PTGFRN: variants seen among roughly 807,000 people sequenced by gnomAD.
The protein encoded by PTGFRN is prostaglandin F2 receptor inhibitor, also known as prostaglandin F2 receptor negative regulator.
A neutral mutation model predicts 83.2 loss-of-function variants in PTGFRN; 35 were observed. The ratio of observed to expected loss-of-function variants is 0.42; its 90% CI spans 0.32 to 0.56. The LOEUF is 0.56. Ranked by LOEUF, PTGFRN falls within the 20% of genes least tolerant of loss-of-function variation. PTGFRN has a pLI of 0.11. For synonymous variants in PTGFRN, 519 were observed against 498.6 expected (o/e 1.04, Z -0.55); for missense variants, 1,051 against 1,179.5 (o/e 0.89, Z 1.60).
At chr1:116,971,104 A>G (rs1265696305) in intron 6 of PTGFRN, among the ~76,000 whole-genome samples, 1 of 152,214 alleles carries the variant, frequency 6.6e-6, no homozygotes, top group Non-Finnish European at 1.5e-5. Context: ...TGTGTTGTTC[A>G]TCTTCCTAGA....
chr1:116,935,309 T>C (rs1303717878), intron 1 of PTGFRN, among the ~76,000 whole-genome samples: 1 of 152,190 alleles, frequency 6.6e-6, no homozygotes, highest in African/African-American at 2.4e-5. Flanking sequence ...ACTTGCTTTC[T>C]AGCCTGCACC....
chr1:116,910,265 G>C lies in PTGFRN; in HGVS notation c.49+13G>C. The C allele has an allele frequency of 7.8e-6, 11 of 1,410,632 alleles. No homozygotes were observed. Among genetic ancestry groups the C allele is most frequent in the Non-Finnish European group, 1.0e-5 (11 of 1,090,082 alleles). The allele number at this position is 1,410,632 out of a possible 1,614,324, so 87.4% of individuals were successfully genotyped here. ...CTCCTGTCGTTGGGTGAGTGTGCGC[G>C]GGGCTCAGCGGGGCACACGGGGACT... On this transcript the variant is annotated intron_variant, in intron 1 of 8. Transcript: ENST00000393203.
In PTGFRN at chr1:116,933,891, A is replaced by G. The variant is rs575105050; in HGVS notation, c.50-7824A>G. ...TATTTGTATTTATTCTGTTTATGAT[A>G]CATATCTTATCTTGCATCTGTGGCA... On this transcript the variant is annotated intron_variant, in intron 1 of 8. Coordinates refer to ENST00000393203, the MANE Select transcript of PTGFRN (RefSeq NM_020440.4). Among the ~76,000 whole-genome samples the G allele has an allele frequency of 6.6e-5, 10 of 152,284 alleles. No individual in the cohort carries two copies. In the East Asian group the frequency reaches 1.9e-3, roughly 29 times the overall value.
intron 7 of PTGFRN, among the ~76,000 whole-genome samples, chr1:116,983,784 C>T (rs372304964): frequency 1.4e-4 from 22 of 152,220 alleles, no homozygotes; most frequent in African/African-American, 5.1e-4. Flanking sequence ...TTATATAAAA[C>T]GCTTTCTCAA....
At chr1:116,945,127 T>C (rs1258557776) in intron 3 of PTGFRN, 35 bp downstream of exon 3, 3 of 1,564,834 alleles carry the variant, frequency 1.9e-6, no homozygotes, top group Admixed American at 3.6e-5. Flanking sequence ...GGTGATGTTA[T>C]TTTGTGACTA....
chr1:116,960,656 C>T (rs528746287), intron 4 of PTGFRN, among the ~76,000 whole-genome samples: 3 of 152,172 alleles, frequency 2.0e-5, no homozygotes, highest in South Asian at 2.1e-4. Context: ...ACACAGATTC[C>T]GCAGAAAAAG....
chr1:116,915,840 G>A (rs574343400), intron 1 of PTGFRN, among the ~76,000 whole-genome samples: 1 of 152,162 alleles, frequency 6.6e-6, no homozygotes, highest in Non-Finnish European at 1.5e-5. Context: ...TTAAAGGCAG[G>A]GTTGCAAGGG....
At chr1:116,947,324 G>A (rs917770839) in intron 3 of PTGFRN, among the ~76,000 whole-genome samples, 3 of 152,216 alleles carry the variant, frequency 2.0e-5, no homozygotes, top group Admixed American at 2.0e-4. Context: ...TCTGATTTAT[G>A]GATTTAGTTA....
intron 6 of PTGFRN, among the ~76,000 whole-genome samples, chr1:116,968,913 C>T (rs1463031185): frequency 6.6e-6 from 1 of 152,084 alleles, no homozygotes; most frequent in South Asian, 2.1e-4. Flanking sequence ...AATAATATTT[C>T]ATTGTATGGA....
intron 1 of PTGFRN, among the ~76,000 whole-genome samples, chr1:116,912,380 G>A (rs1400760528): frequency 6.6e-6 from 1 of 152,194 alleles, no homozygotes; most frequent in South Asian, 2.1e-4. Flanking sequence ...GTGTTACACT[G>A]CTCTGGCACT....
intron 1 of PTGFRN, among the ~76,000 whole-genome samples, chr1:116,924,551 G>A (rs2806862): frequency 0.21 from 31,324 of 152,048 alleles, 7,536 homozygotes; most frequent in African/African-American, 0.59. Flanking sequence ...AAGAGTGTAA[G>A]TAAAATTGAT....
chr1:116,945,120 G>A, intron 3 of PTGFRN, 28 bp downstream of exon 3: 1 of 1,574,790 alleles, frequency 6.4e-7, no homozygotes, highest in Non-Finnish European at 8.6e-7. Context: ...CGTTATAGGT[G>A]ATGTTATTTT....
chr1:116,924,233 C>T lies in PTGFRN; in HGVS notation c.49+13981C>T, dbSNP rs181855418. ...CACAGTCTCGGCTCATTGCAACCTC[C>T]GCCTCCCAGGTTCAAGCAGTTCTCT... On this transcript the variant is annotated intron_variant, in intron 1 of 8. Coordinates refer to ENST00000393203, the MANE Select transcript of PTGFRN (RefSeq NM_020440.4). Among the ~76,000 whole-genome samples, 159 of 151,158 alleles carry T rather than the reference C, an allele frequency of 1.1e-3. 1 individual carries two copies. Among genetic ancestry groups the T allele is most frequent in the Middle Eastern group, 6.8e-3 (2 of 292 alleles).
intron 4 of PTGFRN, among the ~76,000 whole-genome samples, chr1:116,956,065 A>G (rs897938809): frequency 2.6e-5 from 4 of 152,374 alleles, no homozygotes; most frequent in Non-Finnish European, 5.9e-5. Flanking sequence ...ACAATGTTAA[A>G]GGACAATCTC....
intron 7 of PTGFRN, among the ~76,000 whole-genome samples, chr1:116,975,118 C>T (rs371987823): frequency 2.5e-4 from 38 of 152,314 alleles, no homozygotes; most frequent in African/African-American, 7.7e-4. Flanking sequence ...CACAGAGCCT[C>T]GCTCATTGCT....
chr1:116,963,390 C>T (rs927055542), intron 5 of PTGFRN, among the ~76,000 whole-genome samples: 1 of 152,222 alleles, frequency 6.6e-6, no homozygotes, highest in African/African-American at 2.4e-5. Flanking sequence ...TTCCCATTCA[C>T]GCTGCCCCAG....
At position 116,928,090 on chromosome 1, in the gene PTGFRN, C is replaced by G. The variant is rs544538202; in HGVS notation, c.50-13625C>G. Among the ~76,000 whole-genome samples, 4 of 152,310 alleles carry G rather than the reference C, an allele frequency of 2.6e-5. No individual in the cohort carries two copies. The East Asian group carries it at 7.7e-4, about 29-fold the overall frequency. On this transcript the variant is annotated intron_variant, in intron 1 of 8. Coordinates refer to ENST00000393203, the MANE Select transcript of PTGFRN (RefSeq NM_020440.4). ...TTCTTACCCCCTGTGGCCTGTTGGTCACACTGCCCCTTCCTCGTGTTTCTG... is the reference window on the plus strand; with the variant it reads ...TTCTTACCCCCTGTGGCCTGTTGGTGACACTGCCCCTTCCTCGTGTTTCTG...
At chr1:116,963,737 G>T in intron 5 of PTGFRN, among the ~76,000 whole-genome samples, 1 of 151,714 alleles carries the variant, frequency 6.6e-6, no homozygotes, top group Admixed American at 6.6e-5. Context: ...CCTCCCGAGC[G>T]GTTGGGACTG....
At chr1:116,951,657 G>A (rs76670701) in intron 4 of PTGFRN, among the ~76,000 whole-genome samples, 15,187 of 152,062 alleles carry the variant, frequency 0.1, 875 homozygotes, top group Middle Eastern at 0.18. Context: ...AAAAACAATT[G>A]CATTCTTTTT....
Sources: allele counts gnomAD v4.1 joint callset (sites outside exome capture counted in the v4.1 genomes callset), GRCh38; gene constraint gnomAD v4.1.1; transcripts MANE v1.5; gene names NCBI Gene and HGNC (gene_info 2026-07-23, HGNC 2026-07-21).